SPATA22: variants seen among roughly 807,000 people sequenced by gnomAD.
SPATA22 encodes spermatogenesis associated 22, also known as spermatogenesis-associated protein 22.
SPATA22 carries 29 observed loss-of-function variants against 47.8 expected under a neutral mutation model. That is an observed-to-expected ratio of 0.61 (90% confidence interval 0.45 to 0.83). The LOEUF (loss-of-function observed/expected upper bound fraction) is 0.83, where lower values mean the gene tolerates loss of function less well. Ranked by LOEUF, SPATA22 falls within the 40% of genes least tolerant of loss-of-function variation. The pLI is 0.00. For synonymous variants in SPATA22, 133 were observed against 140.9 expected, an observed-to-expected ratio of 0.94 and a Z score of 0.40; for missense variants, 410 against 421.7, an observed-to-expected ratio of 0.97 and a Z score of 0.24.
chr17:3,446,511 C>A lies in SPATA22; in HGVS notation c.763G>T (p.Glu255Ter). The A allele has an allele frequency of 6.2e-7, 1 of 1,608,280 alleles. No homozygotes were observed. Among genetic ancestry groups the A allele is most frequent in the South Asian group, 1.1e-5 (1 of 89,518 alleles). ...AVIESMKYWREHAQKTVLLFE... is the reference protein window; with the variant it reads ...AVIESMKYWR ...AGAAGTACAGTTTTCTGTGCATGTTCACGCCAATACTTCATGCTTTCAATA... is the reference window on the plus strand; with the variant it reads ...AGAAGTACAGTTTTCTGTGCATGTTAACGCCAATACTTCATGCTTTCAATA... The change falls in exon 7 of 9, where the codon GAA (glutamate) becomes TAA (stop). Residue 255 changes from glutamate (E) to a stop codon, truncating the protein, a stop_gained. Coordinates refer to ENST00000572969, the MANE Select transcript of SPATA22 (RefSeq NM_001170698.2). LOFTEE classifies it high-confidence loss of function.
chr17:3,461,743 T>G (rs1402333577), intron 5 of SPATA22, among the ~76,000 whole-genome samples: 3 of 152,228 alleles, frequency 2.0e-5, no homozygotes, highest in Non-Finnish European at 2.9e-5. Flanking sequence ...AGAATAGTAT[T>G]AACTTCATAT....
intron 3 of SPATA22, among the ~76,000 whole-genome samples, chr17:3,464,156 T>C (rs1047570561): frequency 2.0e-5 from 3 of 152,078 alleles, no homozygotes; most frequent in Admixed American, 6.5e-5. Context: ...GGTTTTCGTA[T>C]TTTTTTGGTG....
chr17:3,467,433 T>C lies in SPATA22; in HGVS notation c.165A>G (p.Leu55=). Residue 55 remains leucine (L), a synonymous_variant, in exon 3 of 9, where the codon CTA becomes CTG. Coordinates refer to ENST00000572969, the MANE Select transcript of SPATA22 (RefSeq NM_001170698.2). The part of the protein sequence containing the change: ...TPSDNYDFPP[L]PTDWAWEAVN... ...CCTTATTAATTTTCTTACCTGTAGG[T>C]AGAGGAGGAAAATCATAATTGTCAG... The C allele has an allele frequency of 6.3e-7, 1 of 1,595,122 alleles. No individual in the cohort carries two copies. The highest frequency in any genetic ancestry group is 8.5e-7 in the Non-Finnish European group (1 of 1,172,478).
At chr17:3,496,794 C>T (rs62071300) in intron 1 of SPATA22, among the ~76,000 whole-genome samples, 15,135 of 152,100 alleles carry the variant, frequency 0.1, 1,663 homozygotes, top group East Asian at 0.57. Context: ...TGGCCAGGAG[C>T]GGTGGCTCAC....
At chr17:3,508,468 C>T (rs141278466) in intron 1 of SPATA22, among the ~76,000 whole-genome samples, 89 of 150,760 alleles carry the variant, frequency 5.9e-4, no homozygotes, top group African/African-American at 2.0e-3. Flanking sequence ...TATTGCGGCA[C>T]TATTCACAAC....
chr17:3,500,011 C>T (rs541482895), intron 1 of SPATA22: 1 of 152,158 alleles, frequency 6.6e-6, no homozygotes, highest in Non-Finnish European at 1.5e-5. Flanking sequence ...AGCAAAACAA[C>T]CTTATTGCTG....
intron 5 of SPATA22, among the ~76,000 whole-genome samples, chr17:3,461,418 T>C (rs1162544467): frequency 6.6e-6 from 1 of 152,186 alleles, no homozygotes; most frequent in African/African-American, 2.4e-5. Flanking sequence ...ATTCAAATTG[T>C]AATATCCAAT....
chr17:3,446,476 T>TAC lies in SPATA22; in HGVS notation c.796_797dup (p.Leu267TyrfsTer2). 6.2e-7 allele frequency: 1 copy of TAC among 1,605,326 alleles called. No individual in the cohort carries two copies. On this transcript the variant is annotated frameshift_variant, in exon 7 of 9. Transcript: ENST00000572969. LOFTEE classifies it high-confidence loss of function. ...TTTTTAAAGTATTTTACCTACCTAA[T>TAC]ACTTCAAAAAGAAGTACAGTTTTCT...
intron 1 of SPATA22, among the ~76,000 whole-genome samples, chr17:3,504,504 A>G (rs1220299024): frequency 6.7e-6 from 1 of 150,218 alleles, no homozygotes; most frequent in East Asian, 1.9e-4. Flanking sequence ...GGAAAAAACA[A>G]CCATTTAAGT....
At chr17:3,496,964 C>G (rs533629730) in intron 1 of SPATA22, among the ~76,000 whole-genome samples, 2 of 152,162 alleles carry the variant, frequency 1.3e-5, no homozygotes, top group African/African-American at 2.4e-5. Context: ...TACTCGGGAG[C>G]CTGAGGCAGG....
chr17:3,481,741 T>C lies in SPATA22; in HGVS notation c.-73-12343A>G, dbSNP rs776006406. 3.7e-6 allele frequency: 6 copies of C among 1,613,466 alleles called. No homozygotes were observed. The African/African-American group carries it at 6.7e-5, about 18-fold the overall frequency. ...ACACCACCTCTAACATGGGGTGCAC[T>C]CTTATTCTTGAGGATTCCAGGAATA... On this transcript the variant is annotated intron_variant, in intron 1 of 8. Transcript: ENST00000541913.
At chr17:3,504,990 C>T (rs1460714335) in intron 1 of SPATA22, among the ~76,000 whole-genome samples, 2 of 152,264 alleles carry the variant, frequency 1.3e-5, no homozygotes, top group Non-Finnish European at 2.9e-5. Context: ...CTGCCCACCC[C>T]TCTAGCCTTA....
intron 1 of SPATA22, chr17:3,498,805 A>G (rs866693885): frequency 1.6e-6 from 2 of 1,241,270 alleles, no homozygotes; most frequent in South Asian, 1.9e-5. Flanking sequence ...AGAATACTGT[A>G]ATTTGTTAGT....
intron 1 of SPATA22, among the ~76,000 whole-genome samples, chr17:3,487,995 T>A (rs1185036251): frequency 2.0e-5 from 3 of 152,230 alleles, no homozygotes; most frequent in Non-Finnish European, 4.4e-5. Flanking sequence ...CATACATATA[T>A]GCAAGAAACC....
At chr17:3,459,728 A>G (rs537531348) in intron 5 of SPATA22, among the ~76,000 whole-genome samples, 2 of 152,302 alleles carry the variant, frequency 1.3e-5, no homozygotes, top group African/African-American at 4.8e-5. Context: ...TTTTTTTAAG[A>G]TAACAATAGA....
At chr17:3,440,383 C>T (rs1435163254) in intron 8 of SPATA22, 45 bp from the exon 9 acceptor site, 1 of 1,448,070 alleles carries the variant, frequency 6.9e-7, no homozygotes, top group Non-Finnish European at 9.2e-7. Flanking sequence ...ATTACTTCAT[C>T]TGAATTTCAA....
chr17:3,483,394 T>C lies in SPATA22; in HGVS notation c.-73-13996A>G, dbSNP rs1597432170. On this transcript the variant is annotated intron_variant, in intron 1 of 8. Coordinates refer to the SPATA22 transcript ENST00000541913. ...TTTCATAAAGCTGTCTTACCAATCT[T>C]AGTTGATGAAGTAAAACGTATTGAA... 7.5e-6 allele frequency: 7 copies of C among 938,938 alleles called. No individual in the cohort carries two copies. The East Asian group carries it at 1.2e-4, about 16-fold the overall frequency. The allele number at this position is 938,938 out of a possible 1,614,324, so 58.2% of individuals were successfully genotyped here.
rs551926546 is a variant in SPATA22, at chr17:3,446,905, G to A, written c.673-304C>T. On this transcript the variant is annotated intron_variant, in intron 6 of 8. Coordinates refer to ENST00000572969, the MANE Select transcript of SPATA22 (RefSeq NM_001170698.2). ...AGATCCTGTGACAAATATAGGTAAG[G>A]CCATTCCTTTCCCTAGTGCACTCAC... Among the ~76,000 whole-genome samples the A allele has an allele frequency of 3.3e-5, 5 of 152,162 alleles. No homozygotes were observed. The East Asian group carries it at 5.8e-4, about 18-fold the overall frequency.
chr17:3,444,718 T>C (rs887687237), intron 7 of SPATA22, among the ~76,000 whole-genome samples: 1 of 152,068 alleles, frequency 6.6e-6, no homozygotes, highest in Non-Finnish European at 1.5e-5. Flanking sequence ...ATATTATACA[T>C]AGCAATATAA....
Sources: allele counts gnomAD v4.1 joint callset (sites outside exome capture counted in the v4.1 genomes callset), GRCh38; gene constraint gnomAD v4.1.1; transcripts MANE v1.5; gene names NCBI Gene and HGNC (gene_info 2026-07-23, HGNC 2026-07-21).